The following OPCML variants were observed in gnomAD, a reference collection of about 807,000 sequenced individuals.
The protein encoded by OPCML is opioid binding protein/cell adhesion molecule like, also known as opioid-binding protein/cell adhesion molecule.
OPCML carries 13 observed loss-of-function variants against 37.8 expected under a neutral mutation model. The observed-to-expected ratio is 0.34, with a 90% CI of 0.22 to 0.55. OPCML has a LOEUF of 0.55. Ranked by LOEUF, OPCML falls within the 20% of genes least tolerant of loss-of-function variation. The pLI, the probability that OPCML is intolerant of heterozygous loss-of-function variation, is 0.91. For missense variants in OPCML, 341 were observed against 435.6 expected (o/e 0.78, Z 1.93); for synonymous variants, 176 against 168.8 (o/e 1.04, Z -0.33).
intron 1 of OPCML, among the ~76,000 whole-genome samples, chr11:133,184,303 G>A (rs80209618): frequency 0.041 from 6,278 of 152,300 alleles, 209 homozygotes; most frequent in African/African-American, 0.098. Context: ...GGACAAGGCA[G>A]TACAACGTGC....
intron 4 of OPCML, among the ~76,000 whole-genome samples, chr11:132,502,683 C>T (rs2137130845): frequency 6.6e-6 from 1 of 152,280 alleles, no homozygotes. Flanking sequence ...TTAGCCCTTC[C>T]ATTGTTAAGT....
chr11:132,587,589 G>A (rs74743952), intron 3 of OPCML, among the ~76,000 whole-genome samples: 5 of 152,158 alleles, frequency 3.3e-5, no homozygotes, highest in Non-Finnish European at 5.9e-5. Context: ...CTATTCATGC[G>A]TGAGCCTGAG....
intron 2 of OPCML, among the ~76,000 whole-genome samples, chr11:132,734,030 A>T (rs1226515432): frequency 6.6e-6 from 1 of 152,222 alleles, no homozygotes; most frequent in African/African-American, 2.4e-5. Flanking sequence ...CAGTTTTCTT[A>T]TGTGTACGAT....
intron 3 of OPCML, among the ~76,000 whole-genome samples, chr11:132,584,167 T>A (rs2096467656): frequency 6.6e-6 from 1 of 152,170 alleles, no homozygotes; most frequent in South Asian, 2.1e-4. Flanking sequence ...GGAGTTTATA[T>A]ACCTGAATAT....
intron 1 of OPCML, among the ~76,000 whole-genome samples, chr11:133,253,117 G>A (rs1394392620): frequency 1.4e-5 from 2 of 145,488 alleles, no homozygotes; most frequent in Admixed American, 7.2e-5. Context: ...TTGCACTCCA[G>A]CCTGGGTGAC....
rs116913825 is a variant in OPCML, at chr11:133,058,590, T to C, written c.62-115580A>G. Among the ~76,000 whole-genome samples, 275 of 152,258 alleles carry C rather than the reference T, an allele frequency of 1.8e-3. 1 individual carries two copies. Among genetic ancestry groups the C allele is most frequent in the Middle Eastern group, 6.8e-3 (2 of 294 alleles). On this transcript the variant is annotated intron_variant, in intron 1 of 7. Transcript: ENST00000524381. The stretch of plus-strand genomic sequence containing the variant: ...AGAGCCTAGAGTATCAGAAAGCAGC[T>C]AGTCCCGCTCCCATCAGGGCAGCTC...
At position 132,673,578 on chromosome 11, in the gene OPCML, G is replaced by A. The variant is rs139110819; in HGVS notation, c.147-16259C>T. On this transcript the variant is annotated intron_variant, in intron 2 of 7. Transcript: ENST00000524381. ...TTTATGCTCTGATAGGGTTGGGGCA[G>A]GGTTGGGAGGTGGAAAAAAGCCCTA... Among the ~76,000 whole-genome samples, 6 of 152,212 alleles carry A rather than the reference G, an allele frequency of 3.9e-5. No individual in the cohort carries two copies. In the East Asian group the frequency reaches 1.2e-3, roughly 30 times the overall value.
chr11:133,458,768 C>CACATAGATGCACGT (rs1555162133), intron 1 of OPCML, among the ~76,000 whole-genome samples: 1 of 24,254 alleles, frequency 4.1e-5, no homozygotes, highest in Non-Finnish European at 9.1e-5. Flanking sequence ...CATAGATGCA[C>CACATAGATGCACGT]GTGTGTGTAT....
At chr11:132,614,050 T>C (rs1398819946) in intron 3 of OPCML, among the ~76,000 whole-genome samples, 3 of 152,096 alleles carry the variant, frequency 2.0e-5, no homozygotes, top group Admixed American at 2.0e-4. Context: ...GTAGAGATTG[T>C]ATTCCATAAC....
intron 2 of OPCML, among the ~76,000 whole-genome samples, chr11:132,899,694 G>A (rs979860997): frequency 3.3e-5 from 5 of 152,046 alleles, no homozygotes; most frequent in Admixed American, 3.3e-4. Context: ...TGTGTCTGTA[G>A]GGGATTTCCA....
chr11:132,559,103 G>A (rs747599210), intron 3 of OPCML, among the ~76,000 whole-genome samples: 17 of 152,092 alleles, frequency 1.1e-4, no homozygotes, highest in South Asian at 4.2e-4. Context: ...ATAAGAAAGA[G>A]GCAAGGGGAG....
Position 132,802,201 on chromosome 11 carries a change from C to T in OPCML, c.146+140725G>A, listed in dbSNP as rs867487790. Among the ~76,000 whole-genome samples the T allele has an allele frequency of 5.5e-4, 84 of 152,206 alleles. 1 individual carries two copies. Among genetic ancestry groups the T allele is most frequent in the African/African-American group, 1.9e-3 (77 of 41,450 alleles). ...CACAAACCGTCACCATCTCTACCCT[C>T]TTAACTCTTTCTCCTCCTTCCCCCA... On this transcript the variant is annotated intron_variant, in intron 2 of 7. Transcript: ENST00000524381.
chr11:133,221,027 T>G (rs1439843621), intron 1 of OPCML, among the ~76,000 whole-genome samples: 3 of 152,244 alleles, frequency 2.0e-5, no homozygotes, highest in Non-Finnish European at 4.4e-5. Flanking sequence ...CTTCATGGCC[T>G]GAACCCGCTT....
chr11:133,428,654 T>C (rs1946056094), intron 1 of OPCML, among the ~76,000 whole-genome samples: 1 of 152,044 alleles, frequency 6.6e-6, no homozygotes, highest in Non-Finnish European at 1.5e-5. Flanking sequence ...ATAGAAAATA[T>C]ACAATCACAA....
chr11:133,470,387 C>T (rs1187879900), intron 1 of OPCML, among the ~76,000 whole-genome samples: 1 of 152,152 alleles, frequency 6.6e-6, no homozygotes, highest in African/African-American at 2.4e-5. Context: ...AATCTAGGGA[C>T]AATCTCATGG....
At chr11:133,013,994 T>C (rs527873099) in intron 1 of OPCML, among the ~76,000 whole-genome samples, 95 of 152,240 alleles carry the variant, frequency 6.2e-4, no homozygotes, top group Middle Eastern at 3.4e-3. Context: ...GGAACCCTGC[T>C]CCTCCTCCCA....
intron 2 of OPCML, among the ~76,000 whole-genome samples, chr11:132,744,895 G>A (rs1340961858): frequency 1.3e-5 from 2 of 152,136 alleles, no homozygotes; most frequent in Admixed American, 6.5e-5. Flanking sequence ...CAAGCTCGAG[G>A]AAGTGAACGA....
At chr11:132,819,012 G>GAAA (rs528161693) in intron 2 of OPCML, among the ~76,000 whole-genome samples, 2 of 121,198 alleles carry the variant, frequency 1.7e-5, no homozygotes, top group Non-Finnish European at 3.5e-5. Flanking sequence ...TTACAAAGTC[G>GAAA]AAAAAAAAAA....
intron 1 of OPCML, among the ~76,000 whole-genome samples, chr11:132,999,579 A>T (rs1946956931): frequency 6.8e-6 from 1 of 146,520 alleles, no homozygotes; most frequent in African/African-American, 2.6e-5. Context: ...CGGGGGGGGA[A>T]TGCCACCGGT....
Sources: gnomAD v4.1 joint callset for allele counts (sites outside exome capture counted in the v4.1 genomes callset) on GRCh38, gnomAD v4.1.1 for gene constraint, MANE v1.5 for transcripts, NCBI Gene and HGNC (gene_info 2026-07-23, HGNC 2026-07-21) for gene names.